CNOT2: variants seen among roughly 807,000 people sequenced by gnomAD.
CNOT2 encodes the protein CC chemokine receptor 4-negative regulator of transcription 2.
CNOT2 carries 7 observed loss-of-function variants against 72.1 expected under a neutral mutation model. That is an observed-to-expected ratio of 0.10 (90% CI 0.06 to 0.18). The LOEUF (loss-of-function observed/expected upper bound fraction) is 0.18. Among genes scored for constraint, CNOT2 ranks in the 10% least tolerant of loss-of-function variants. CNOT2 has a pLI of 1.00. For missense variants in CNOT2, 345 were observed against 660.3 expected, an observed-to-expected ratio of 0.52 and a Z score of 5.23; for synonymous variants, 196 against 225.6, an observed-to-expected ratio of 0.87 and a Z score of 1.17.
chr12:70,246,100 T>A (rs1230308803), intron 1 of CNOT2, among the ~76,000 whole-genome samples: 1 of 152,200 alleles, frequency 6.6e-6, no homozygotes, highest in East Asian at 1.9e-4. Flanking sequence ...ATGAATAAAA[T>A]GTATGCTTCA....
At chr12:70,294,350 A>C in intron 2 of CNOT2, 1 of 1,226,318 alleles carries the variant, frequency 8.2e-7, no homozygotes, top group Non-Finnish European at 1.1e-6. Flanking sequence ...CAGTATTTTG[A>C]GGGTGGATGT....
In CNOT2 at chr12:70,354,315, A is replaced by G. The variant is rs1002784027; in HGVS notation, c.*400A>G. 6 of 171,022 alleles carry G rather than the reference A, an allele frequency of 3.5e-5. No individual in the cohort carries two copies. The highest frequency in any genetic ancestry group is 1.3e-4 in the Admixed American group (2 of 15,872). The allele number at this position is 171,022 out of a possible 1,614,324, so 10.6% of individuals were successfully genotyped here. On this transcript the variant is annotated 3_prime_UTR_variant, in exon 16 of 16. Transcript: ENST00000229195. ...ATTTTGCATTGTTCATTGTAGCACT[A>G]TTGGTAATAAAATAACAAATGTTTG...
At chr12:70,265,491 A>T (rs1304482546) in intron 1 of CNOT2, among the ~76,000 whole-genome samples, 1 of 151,760 alleles carries the variant, frequency 6.6e-6, no homozygotes, top group African/African-American at 2.4e-5. Flanking sequence ...TGTGGGTTCT[A>T]TATTTTCTCT....
chr12:70,272,578 C>T (rs1043712279), intron 1 of CNOT2, among the ~76,000 whole-genome samples: 11 of 152,054 alleles, frequency 7.2e-5, no homozygotes, highest in Non-Finnish European at 1.6e-4. Context: ...TTGCTTATAC[C>T]GTTAAGTCTG....
chr12:70,343,950 G>A (rs559878700), intron 13 of CNOT2, 178 bp from the exon 14 acceptor site: 9 of 444,804 alleles, frequency 2.0e-5, no homozygotes, highest in Non-Finnish European at 2.8e-5. Flanking sequence ...TCATTTAAAT[G>A]AGGAAATTCC....
intron 2 of CNOT2, among the ~76,000 whole-genome samples, chr12:70,279,650 T>G (rs1593107410): frequency 6.6e-6 from 1 of 152,334 alleles, no homozygotes; most frequent in East Asian, 1.9e-4. Context: ...TCTGCCAAAT[T>G]ATTTTAAGAA....
chr12:70,273,165 G>A (rs1444326685), intron 1 of CNOT2, among the ~76,000 whole-genome samples: 1 of 152,008 alleles, frequency 6.6e-6, no homozygotes. Context: ...AAAACTTCTT[G>A]AAAATGATGT....
chr12:70,338,963 G>T, intron 11 of CNOT2, 141 bp downstream of exon 11: 1 of 702,002 alleles, frequency 1.4e-6, no homozygotes, highest in Non-Finnish European at 2.3e-6. Context: ...ATTCATGTTA[G>T]CTCTTAGATC....
At position 70,339,049 on chromosome 12, in the gene CNOT2, T is replaced by TGC. The variant is rs1555205768; in HGVS notation, c.1178+228_1178+229dup. ...GTGTGTGTGTGTGTGTGTGTGTGTG[T>TGC]GCATGTGCATGTATATATGTGTGTG... On this transcript the variant is annotated intron_variant, in intron 11 of 15. Transcript: ENST00000229195. 2.1e-5 allele frequency among the ~76,000 whole-genome samples: 3 copies of TGC among 141,818 alleles called. No homozygotes were observed. The East Asian group carries it at 6.3e-4, about 30-fold the overall frequency. 93.0% of individuals were successfully genotyped at this position (141,818 alleles called of 152,430 possible).
intron 6 of CNOT2, chr12:70,330,748 C>G (rs1303556609): frequency 1.7e-5 from 5 of 297,656 alleles, no homozygotes; most frequent in Non-Finnish European, 3.1e-5. Flanking sequence ...GATATGTCCT[C>G]TCTTTATAAA....
chr12:70,290,580 T>C (rs1424166457), intron 2 of CNOT2: 2 of 152,206 alleles, frequency 1.3e-5, no homozygotes, highest in African/African-American at 2.4e-5. Context: ...TGAAATCAAT[T>C]GTTTAATATA....
intron 1 of CNOT2, among the ~76,000 whole-genome samples, chr12:70,262,487 C>T (rs1021085499): frequency 1.1e-4 from 17 of 152,098 alleles, no homozygotes; most frequent in South Asian, 6.2e-4. Flanking sequence ...GTGTTAGCCA[C>T]GATGGTCTCG....
chr12:70,261,266 G>A (rs1037187825), intron 1 of CNOT2, among the ~76,000 whole-genome samples: 1 of 141,086 alleles, frequency 7.1e-6, no homozygotes, highest in African/African-American at 2.6e-5. Context: ...TTGTTTTCTG[G>A]TATTTTGTTG....
Position 70,346,192 on chromosome 12 carries a change from T to C in CNOT2, c.1404T>C (p.Asp468=), listed in dbSNP as rs751321186. The C allele has an allele frequency of 1.2e-6, 2 of 1,607,756 alleles. No homozygotes were observed. The highest frequency in any genetic ancestry group is 1.7e-6 in the Non-Finnish European group (2 of 1,175,206). Residue 468 remains aspartate (D), a synonymous_variant, in exon 15 of 16, where the codon GAT becomes GAC. Coordinates refer to ENST00000229195, the MANE Select transcript of CNOT2 (RefSeq NM_014515.7). Reference sequence around the variant, plus strand: ...TTAAAAATTGAAGTTTTAACCGTGATTGGAGATACCACAAAGAAGAACGAG... The same window carrying C: ...TTAAAAATTGAAGTTTTAACCGTGACTGGAGATACCACAAAGAAGAACGAG... ...LLAAVELFNR[D]WRYHKEERVW...
intron 1 of CNOT2, among the ~76,000 whole-genome samples, chr12:70,271,652 C>T (rs1238033596): frequency 6.6e-6 from 1 of 152,036 alleles, no homozygotes; most frequent in Non-Finnish European, 1.5e-5. Flanking sequence ...GGATTACAGG[C>T]GTGAGCCACT....
At chr12:70,304,017 A>T (rs990569456) in intron 2 of CNOT2, among the ~76,000 whole-genome samples, 1 of 152,054 alleles carries the variant, frequency 6.6e-6, no homozygotes, top group Non-Finnish European at 1.5e-5. Context: ...AGGCTTGTGC[A>T]TTCGTCACGT....
intron 15 of CNOT2, among the ~76,000 whole-genome samples, chr12:70,350,007 T>C (rs914922912): frequency 6.6e-6 from 1 of 152,040 alleles, no homozygotes; most frequent in Admixed American, 6.6e-5. Context: ...GATCCTATTT[T>C]TTTTTTTAAT....
At chr12:70,248,301 G>T (rs1006842575) in intron 1 of CNOT2, among the ~76,000 whole-genome samples, 1 of 152,142 alleles carries the variant, frequency 6.6e-6, no homozygotes, top group African/African-American at 2.4e-5. Context: ...TGCCCTTATG[G>T]AAATAAGGTG....
chr12:70,305,628 T>G (rs1054883418), intron 2 of CNOT2, among the ~76,000 whole-genome samples: 1 of 152,238 alleles, frequency 6.6e-6, no homozygotes, highest in African/African-American at 2.4e-5. Flanking sequence ...GAGATTACCA[T>G]GAACAGTAAC....
Sources: allele counts gnomAD v4.1 joint callset (sites outside exome capture counted in the v4.1 genomes callset), GRCh38; gene constraint gnomAD v4.1.1; transcripts MANE v1.5; gene names NCBI Gene and HGNC (gene_info 2026-07-23, HGNC 2026-07-21).